HDAC9: variants seen among roughly 807,000 people sequenced by gnomAD.
The protein encoded by HDAC9 is MEF-2 interacting transcription repressor (MITR) protein.
In HDAC9, 41 loss-of-function variants were observed where a neutral mutation model predicts 139.4. The observed-to-expected ratio is 0.29, with a 90% CI of 0.23 to 0.38. The LOEUF is 0.38. Ranked by LOEUF, HDAC9 falls within the 10% of genes least tolerant of loss-of-function variation. The pLI is 1.00. For synonymous variants in HDAC9, 517 were observed against 476.2 expected, an observed-to-expected ratio of 1.09 and a Z score of -1.12; for missense variants, 1,147 against 1,297.0, an observed-to-expected ratio of 0.88 and a Z score of 1.78.
Position 18,730,087 on chromosome 7 carries a change from G to A in HDAC9, c.1909+2330G>A, listed in dbSNP as rs145620903. Among the ~76,000 whole-genome samples the A allele has an allele frequency of 4.5e-3, 679 of 152,156 alleles. 3 individuals carry two copies. Among genetic ancestry groups the A allele is most frequent in the Middle Eastern group, 0.014 (4 of 294 alleles). On this transcript the variant is annotated intron_variant, in intron 13 of 25. Coordinates refer to ENST00000686413, the MANE Select transcript of HDAC9 (RefSeq NM_178425.4). ...ACACTGAAAATCTTACAAGAAAAAC[G>A]CACAATATTTTAAAATCATGCAACA...
intron 2 of HDAC9, among the ~76,000 whole-genome samples, chr7:18,512,439 G>A (rs188745678): frequency 6.6e-6 from 1 of 152,110 alleles, no homozygotes; most frequent in African/African-American, 2.4e-5. Flanking sequence ...AAACTTTTAT[G>A]GAAAAATTAA....
At position 18,656,266 on chromosome 7, in the gene HDAC9, A is replaced by C. The variant is rs1334060925; in HGVS notation, c.1467+7583A>C. 3.9e-5 allele frequency among the ~76,000 whole-genome samples: 6 copies of C among 152,162 alleles called. No individual in the cohort carries two copies. The South Asian group carries it at 1.2e-3, about 32-fold the overall frequency. ...ATGTACTGCTGCTCTCTTGCTATTA[A>C]CCTAGTTGTATCAGCTAGCAATATA... On this transcript the variant is annotated intron_variant, in intron 11 of 25. Transcript: ENST00000686413.
At chr7:18,647,628 G>A (rs190844413) in intron 9 of HDAC9, among the ~76,000 whole-genome samples, 157 bp from the exon 10 acceptor site, 24 of 152,168 alleles carry the variant, frequency 1.6e-4, no homozygotes, top group African/African-American at 5.5e-4. Flanking sequence ...TTTGAACTGA[G>A]TTAGTTTAAA....
chr7:18,363,779 G>A (rs1783967681), intron 1 of HDAC9, among the ~76,000 whole-genome samples: 1 of 152,028 alleles, frequency 6.6e-6, no homozygotes, highest in Admixed American at 6.6e-5. Context: ...TCCTCTTTTT[G>A]TTCATGGTTG....
chr7:18,714,461 T>C (rs1286546395), intron 12 of HDAC9, among the ~76,000 whole-genome samples: 3 of 152,136 alleles, frequency 2.0e-5, no homozygotes, highest in African/African-American at 7.2e-5. Flanking sequence ...CACAATTCTA[T>C]TCATTCCCCA....
chr7:18,623,098 C>T (rs1477409948), intron 6 of HDAC9, among the ~76,000 whole-genome samples: 1 of 150,548 alleles, frequency 6.6e-6, no homozygotes. Flanking sequence ...GAGCTGAGAT[C>T]ATCCCACTGC....
chr7:18,276,037 C>T (rs957287301), intron 2 of HDAC9, among the ~76,000 whole-genome samples: 1 of 152,038 alleles, frequency 6.6e-6, no homozygotes, highest in Non-Finnish European at 1.5e-5. Context: ...AATGAATATG[C>T]ACTTGTTTGT....
intron 1 of HDAC9, among the ~76,000 whole-genome samples, chr7:18,328,517 A>G (rs905521563): frequency 6.6e-6 from 1 of 151,924 alleles, no homozygotes; most frequent in African/African-American, 2.4e-5. Context: ...TAACTAACTG[A>G]AAGTCACTTT....
intron 1 of HDAC9, among the ~76,000 whole-genome samples, chr7:18,326,141 C>G (rs1355793014): frequency 6.6e-6 from 1 of 151,984 alleles, no homozygotes; most frequent in South Asian, 2.1e-4. Context: ...TTATTCATAG[C>G]AAATTACATT....
At chr7:18,796,642 C>T (rs1468562303) in intron 17 of HDAC9, among the ~76,000 whole-genome samples, 2 of 152,098 alleles carry the variant, frequency 1.3e-5, no homozygotes, top group Admixed American at 6.5e-5. Context: ...CTCAGATTCT[C>T]TTACAAAGGA....
chr7:18,782,594 T>C (rs1177494401), intron 16 of HDAC9, among the ~76,000 whole-genome samples: 2 of 152,046 alleles, frequency 1.3e-5, no homozygotes, highest in African/African-American at 4.8e-5. Flanking sequence ...CTAGAAAACA[T>C]GTAGCTTTCT....
intron 21 of HDAC9, among the ~76,000 whole-genome samples, chr7:18,857,336 TGTG>T (rs983984232): frequency 4.6e-4 from 18 of 39,528 alleles, no homozygotes; most frequent in African/African-American, 1.8e-3. Context: ...ATGTTTTAGT[TGTG>T]TGTGTGTGTG....
chr7:18,572,978 C>T (rs1454987806), intron 2 of HDAC9, among the ~76,000 whole-genome samples: 1 of 152,146 alleles, frequency 6.6e-6, no homozygotes, highest in African/African-American at 2.4e-5. Context: ...TTAAGTAAAT[C>T]AAAATAGTAA....
At chr7:18,807,976 TATTG>T (rs1347019287) in intron 17 of HDAC9, 1 of 152,190 alleles carries the variant, frequency 6.6e-6, no homozygotes, top group African/African-American at 2.4e-5. Flanking sequence ...ACTGTTTTCT[TATTG>T]ATTCTTTTTT....
At chr7:18,411,148 G>T (rs966139490) in intron 1 of HDAC9, among the ~76,000 whole-genome samples, 3 of 152,120 alleles carry the variant, frequency 2.0e-5, no homozygotes, top group African/African-American at 7.2e-5. Flanking sequence ...ATGGAGTGCT[G>T]GTGGGTATCT....
chr7:18,545,490 C>A (rs530049119), intron 2 of HDAC9, among the ~76,000 whole-genome samples: 2 of 152,134 alleles, frequency 1.3e-5, no homozygotes, highest in South Asian at 4.1e-4. Context: ...ACTCAAGAAA[C>A]TCAATTATTA....
intron 1 of HDAC9, among the ~76,000 whole-genome samples, chr7:18,321,519 T>C (rs1455638661): frequency 6.6e-6 from 1 of 152,168 alleles, no homozygotes; most frequent in Non-Finnish European, 1.5e-5. Flanking sequence ...TATATGCTTT[T>C]TAAAAAAATG....
intron 2 of HDAC9, among the ~76,000 whole-genome samples, chr7:18,198,867 AT>A (rs202131246): frequency 6.0e-5 from 9 of 150,048 alleles, no homozygotes; most frequent in South Asian, 2.1e-4. Flanking sequence ...AACAACCAAC[AT>A]TTTTTTTTTA....
At chr7:18,319,323 A>G (rs1799865778) in intron 1 of HDAC9, among the ~76,000 whole-genome samples, 1 of 152,200 alleles carries the variant, frequency 6.6e-6, no homozygotes. Flanking sequence ...TTATGCATTT[A>G]AACATAAACT....
Sources: allele counts gnomAD v4.1 joint callset (sites outside exome capture counted in the v4.1 genomes callset), GRCh38; gene constraint gnomAD v4.1.1; transcripts MANE v1.5; gene names NCBI Gene and HGNC (gene_info 2026-07-23, HGNC 2026-07-21).